The following GIGYF2 variants were observed in gnomAD, a reference collection of about 807,000 sequenced individuals.
The protein encoded by GIGYF2 is GRB10-interacting GYF protein 2.
Under a neutral mutation model 208.1 loss-of-function variants are expected in GIGYF2, and 25 were observed. That is an observed-to-expected ratio of 0.12 (90% CI 0.09 to 0.17). GIGYF2 has a LOEUF of 0.17. GIGYF2 is among the 10% of genes least tolerant of loss of function. The pLI, the probability that GIGYF2 is intolerant of heterozygous loss-of-function variation, is 1.00. For synonymous variants in GIGYF2, 534 were observed against 543.8 expected (o/e 0.98, Z 0.25); for missense variants, 1,302 against 1,579.4 (o/e 0.82, Z 2.98).
chr2:232,713,463 A>G (rs1696524772), intron 2 of GIGYF2, among the ~76,000 whole-genome samples: 1 of 152,252 alleles, frequency 6.6e-6, no homozygotes, highest in African/African-American at 2.4e-5. Flanking sequence ...TTGAGAAGAT[A>G]GTGCGGAATT....
At chr2:232,855,885 ATTC>A (rs1293284190) in intron 28 of GIGYF2, among the ~76,000 whole-genome samples, 1 of 151,028 alleles carries the variant, frequency 6.6e-6, no homozygotes, top group Non-Finnish European at 1.5e-5. Flanking sequence ...CTCACATCCC[ATTC>A]TTTTCTCTGA....
At chr2:232,717,142 T>A (rs1696723920) in intron 2 of GIGYF2, among the ~76,000 whole-genome samples, 1 of 152,040 alleles carries the variant, frequency 6.6e-6, no homozygotes, top group South Asian at 2.1e-4. Context: ...CTAAAGCATT[T>A]ATGATTTATT....
intron 8 of GIGYF2, chr2:232,776,712 T>C (rs937483277): frequency 2.4e-5 from 12 of 490,114 alleles, no homozygotes; most frequent in Non-Finnish European, 4.0e-5. Context: ...GGTCTTTCTT[T>C]ACCCAACACA....
chr2:232,814,565 A>ACCCCCCCC (rs35081043), intron 18 of GIGYF2, among the ~76,000 whole-genome samples: 3 of 75,946 alleles, frequency 4.0e-5, no homozygotes, highest in African/African-American at 9.5e-5. Flanking sequence ...TCCACCTCAA[A>ACCCCCCCC]CCCCCCCCCC....
chr2:232,781,718 C>T (rs1020654027), intron 8 of GIGYF2, among the ~76,000 whole-genome samples: 1 of 152,108 alleles, frequency 6.6e-6, no homozygotes, highest in African/African-American at 2.4e-5. Context: ...ATACTTAAAT[C>T]CCAGATCTCT....
At chr2:232,836,375 TAAATATAA>T (rs1203410355) in intron 22 of GIGYF2, among the ~76,000 whole-genome samples, 1 of 47,626 alleles carries the variant, frequency 2.1e-5, no homozygotes, top group Non-Finnish European at 3.7e-5. Context: ...TAAATATATA[TAAATATAA>T]ATATATATAA....
chr2:232,797,724 G>GT (rs1357793361), intron 14 of GIGYF2, among the ~76,000 whole-genome samples: 1 of 152,022 alleles, frequency 6.6e-6, no homozygotes, highest in African/African-American at 2.4e-5. Flanking sequence ...GCTCATGCCT[G>GT]TAATCCCAGC....
Position 232,752,507 on chromosome 2 carries a change from G to A in GIGYF2, c.267+3425G>A, listed in dbSNP as rs142780953. Among the ~76,000 whole-genome samples, 53 of 152,244 alleles carry A rather than the reference G, an allele frequency of 3.5e-4. No individual in the cohort carries two copies. In the East Asian group the frequency reaches 9.7e-3, roughly 28 times the overall value. On this transcript the variant is annotated intron_variant, in intron 5 of 28. Transcript: ENST00000373563. ...TTTAGGTAGCTGTTACAAGACTGGT[G>A]TATTTTATTTATTTGACATCAAAGA...
rs79722665 is a variant in GIGYF2 at position 232,839,007 on chromosome 2, G to T, written c.2767-842G>T. ...TCAATATCCACTGTTATAGATTTCT[G>T]CTGTAGGTCCATTCTTTTGGGGACT... On this transcript the variant is annotated intron_variant, in intron 22 of 28. Coordinates refer to ENST00000373563, the MANE Select transcript of GIGYF2 (RefSeq NM_001103146.3). Among the ~76,000 whole-genome samples, 6 of 152,220 alleles carry T rather than the reference G, an allele frequency of 3.9e-5. No individual in the cohort carries two copies. In the East Asian group the frequency reaches 1.2e-3, roughly 29 times the overall value.
intron 14 of GIGYF2, among the ~76,000 whole-genome samples, chr2:232,798,322 C>G (rs998237771): frequency 5.9e-5 from 9 of 152,162 alleles, no homozygotes; most frequent in Non-Finnish European, 7.3e-5. Flanking sequence ...TGAAGGACAT[C>G]TGGGTTGTTA....
At chr2:232,803,049 G>A (rs1700448831) in intron 14 of GIGYF2, among the ~76,000 whole-genome samples, 1 of 152,094 alleles carries the variant, frequency 6.6e-6, no homozygotes, top group African/African-American at 2.4e-5. Context: ...ACAGGCGTGT[G>A]CCACCATGCC....
chr2:232,781,766 T>G (rs1199149312), intron 8 of GIGYF2, among the ~76,000 whole-genome samples: 1 of 152,222 alleles, frequency 6.6e-6, no homozygotes, highest in South Asian at 2.1e-4. Flanking sequence ...TTCTGGCTGC[T>G]TCCAATGGGT....
At chr2:232,758,917 A>G (rs1698644585) in intron 6 of GIGYF2, among the ~76,000 whole-genome samples, 1 of 152,208 alleles carries the variant, frequency 6.6e-6, no homozygotes, top group African/African-American at 2.4e-5. Flanking sequence ...CAGTGTATAC[A>G]TTTCCTGAAG....
intron 6 of GIGYF2, among the ~76,000 whole-genome samples, chr2:232,757,000 A>G (rs1698571685): frequency 6.6e-6 from 1 of 152,234 alleles, no homozygotes; most frequent in Non-Finnish European, 1.5e-5. Flanking sequence ...TACGTTGACT[A>G]AATCATAACA....
chr2:232,734,486 GGTATGAGCCACCTT>G (rs1280541133), intron 2 of GIGYF2: 1 of 152,134 alleles, frequency 6.6e-6, no homozygotes, highest in Non-Finnish European at 1.5e-5. Context: ...TGGATTTACA[GGTATGAGCCACCTT>G]GCCTGGTGGT....
chr2:232,730,822 C>T (rs1181168843), intron 2 of GIGYF2, among the ~76,000 whole-genome samples: 2 of 127,382 alleles, frequency 1.6e-5, no homozygotes, highest in African/African-American at 3.0e-5. Flanking sequence ...GGCGTGAACC[C>T]GGGAGGCGGA....
At chr2:232,795,677 C>T (rs1204345325) in intron 13 of GIGYF2, among the ~76,000 whole-genome samples, 8 of 152,154 alleles carry the variant, frequency 5.3e-5, no homozygotes, top group South Asian at 4.2e-4. Context: ...GTAGGAGGAT[C>T]GCTTGAACCC....
intron 28 of GIGYF2, among the ~76,000 whole-genome samples, chr2:232,856,465 G>A (rs368754696): frequency 4.6e-5 from 7 of 152,112 alleles, no homozygotes; most frequent in East Asian, 3.9e-4. Flanking sequence ...CGAGGCGGGC[G>A]GATCATTTGA....
intron 13 of GIGYF2, among the ~76,000 whole-genome samples, chr2:232,795,812 TA>T (rs1363540432): frequency 6.6e-6 from 1 of 152,186 alleles, no homozygotes; most frequent in African/African-American, 2.4e-5. Flanking sequence ...GTTTTAATCT[TA>T]GTTGATTTGA....
Sources: gnomAD v4.1 joint callset for allele counts (sites outside exome capture counted in the v4.1 genomes callset) on GRCh38, gnomAD v4.1.1 for gene constraint, MANE v1.5 for transcripts, NCBI Gene and HGNC (gene_info 2026-07-23, HGNC 2026-07-21) for gene names.